Variants in PRELID2 observed in about 807,000 individuals in gnomAD.
PRELID2 encodes the protein PRELI domain-containing protein 2.
PRELID2 carries 25 observed loss-of-function variants against 28.4 expected under a neutral mutation model. The ratio of observed to expected loss-of-function variants is 0.88; its 90% CI spans 0.64 to 1.23. The LOEUF is 1.23. PRELID2 is among the 50% of genes most tolerant of loss of function. The pLI is 0.00. For missense variants in PRELID2, 201 were observed against 214.4 expected (o/e 0.94, Z 0.39); for synonymous variants, 76 against 71.6 (o/e 1.06, Z -0.31).
At chr5:145,600,379 C>G (rs1274170034) in intron 1 of PRELID2, among the ~76,000 whole-genome samples, 2 of 137,808 alleles carry the variant, frequency 1.5e-5, no homozygotes, top group Non-Finnish European at 3.0e-5. Flanking sequence ...GAGTGATGAA[C>G]AGTAAGTGCA....
chr5:145,388,898 A>G, the PRELID2 span, among the ~76,000 whole-genome samples: 1 of 152,086 alleles, frequency 6.6e-6, no homozygotes, highest in Non-Finnish European at 1.5e-5. Flanking sequence ...TCCTTTTAGG[A>G]CTTACTACCT....
At chr5:145,316,938 C>G in the PRELID2 span, among the ~76,000 whole-genome samples, 7 of 152,214 alleles carry the variant, frequency 4.6e-5, no homozygotes, top group Non-Finnish European at 8.8e-5. Flanking sequence ...CTTGCTCTCA[C>G]AAATCATCAC....
intron 5 of PRELID2, among the ~76,000 whole-genome samples, chr5:145,783,902 G>A (rs528488577): frequency 6.6e-5 from 10 of 152,262 alleles, no homozygotes; most frequent in South Asian, 4.1e-4. Context: ...GTGACTACCC[G>A]TGTATGTGTG....
At chr5:145,627,097 C>CAAAAAAAAAAAAAAAAAAAAA (rs745309247) in intron 1 of PRELID2, among the ~76,000 whole-genome samples, 1 of 41,826 alleles carries the variant, frequency 2.4e-5, no homozygotes, top group African/African-American at 7.4e-5. Flanking sequence ...AAGACTCTCC[C>CAAAAAAAAAAAAAAAAAAAAA]AAAAAAAAAA....
intron 1 of PRELID2, among the ~76,000 whole-genome samples, chr5:145,696,224 C>T (rs1317576265): frequency 7.1e-6 from 1 of 140,918 alleles, no homozygotes; most frequent in East Asian, 2.1e-4. Context: ...GTTTAGCAGC[C>T]ACTTCTGTGC....
chr5:145,500,505 C>T (rs965019573), intron 1 of PRELID2, among the ~76,000 whole-genome samples: 1 of 152,044 alleles, frequency 6.6e-6, no homozygotes, highest in African/African-American at 2.4e-5. Flanking sequence ...TGTCTCAGGC[C>T]TAGTCAACTT....
chr5:145,821,217 T>C (rs1372923983), intron 2 of PRELID2, among the ~76,000 whole-genome samples: 2 of 115,638 alleles, frequency 1.7e-5, no homozygotes, highest in Admixed American at 1.7e-4. Flanking sequence ...GTAAGTCCTC[T>C]TCTGTGTGTG....
At chr5:145,524,484 G>A (rs1752591281) in intron 1 of PRELID2, among the ~76,000 whole-genome samples, 1 of 152,200 alleles carries the variant, frequency 6.6e-6, no homozygotes, top group Admixed American at 6.5e-5. Context: ...CTCGAGATTT[G>A]AGAAACAGTA....
At chr5:145,624,058 G>A (rs1052136665) in intron 1 of PRELID2, among the ~76,000 whole-genome samples, 2 of 152,074 alleles carry the variant, frequency 1.3e-5, no homozygotes, top group African/African-American at 4.8e-5. Context: ...TCACGAATGT[G>A]CTTTACTTAT....
At chr5:145,725,232 C>T (rs1053515289) in intron 1 of PRELID2, among the ~76,000 whole-genome samples, 1 of 152,074 alleles carries the variant, frequency 6.6e-6, no homozygotes, top group Non-Finnish European at 1.5e-5. Context: ...AGTTATCAAA[C>T]ATAATAAGGT....
the PRELID2 span, among the ~76,000 whole-genome samples, chr5:145,233,391 C>T: frequency 1.3e-5 from 2 of 152,076 alleles, no homozygotes; most frequent in African/African-American, 4.8e-5. Flanking sequence ...ACATCCTATC[C>T]TGAGGTAGAA....
At chr5:145,291,371 TA>T in the PRELID2 span, among the ~76,000 whole-genome samples, 1 of 106,014 alleles carries the variant, frequency 9.4e-6, no homozygotes, top group African/African-American at 4.0e-5. Flanking sequence ...AGGAGAGGGG[TA>T]TTTGGATACA....
chr5:145,248,642 C>G, the PRELID2 span, among the ~76,000 whole-genome samples: 1 of 151,978 alleles, frequency 6.6e-6, no homozygotes, highest in Non-Finnish European at 1.5e-5. Flanking sequence ...AATAAAAATA[C>G]AAAAATTAGC....
chr5:145,453,773 G>A, the PRELID2 span, among the ~76,000 whole-genome samples: 2 of 152,076 alleles, frequency 1.3e-5, no homozygotes, highest in Non-Finnish European at 2.9e-5. Context: ...CTTCATCCAT[G>A]CCCCTGCAAA....
intron 1 of PRELID2, among the ~76,000 whole-genome samples, chr5:145,735,981 A>T (rs889769933): frequency 6.6e-6 from 1 of 152,144 alleles, no homozygotes; most frequent in Non-Finnish European, 1.5e-5. Flanking sequence ...TTTGTTTAAA[A>T]CCTTGCTGAT....
At chr5:145,588,473 GA>G (rs1344733618) in intron 1 of PRELID2, among the ~76,000 whole-genome samples, 23 of 152,180 alleles carry the variant, frequency 1.5e-4, no homozygotes, top group African/African-American at 5.5e-4. Flanking sequence ...ATGAATGAAT[GA>G]ATAGACCTGT....
chr5:145,286,183 C>T, the PRELID2 span, among the ~76,000 whole-genome samples: 1 of 152,238 alleles, frequency 6.6e-6, no homozygotes, highest in East Asian at 1.9e-4. Context: ...ATTATTAGCA[C>T]TGTCTTAAGG....
At chr5:145,377,269 C>T in the PRELID2 span, among the ~76,000 whole-genome samples, 186 of 152,242 alleles carry the variant, frequency 1.2e-3, no homozygotes, top group African/African-American at 4.3e-3. Context: ...GTTATGATTT[C>T]AGTTCTTTTG....
Position 145,525,344 on chromosome 5 carries a change from A to G in PRELID2, n.71-52029T>C, listed in dbSNP as rs557130838. On this transcript the variant is annotated intron_variant and non_coding_transcript_variant, in intron 1 of 2. Transcript: ENST00000510259. ...AAAGAAATCTCTAGGAGAATCTGAT[A>G]TATGTATACACACACACCCTTGTTC... is the stretch of plus-strand genomic sequence containing the variant. Among the ~76,000 whole-genome samples, 6 of 152,348 alleles carry G rather than the reference A, an allele frequency of 3.9e-5. No homozygotes were observed. The South Asian group carries it at 1.2e-3, about 32-fold the overall frequency.
Sources: allele counts gnomAD v4.1 joint callset (sites outside exome capture counted in the v4.1 genomes callset), GRCh38; gene constraint gnomAD v4.1.1; transcripts MANE v1.5; gene names NCBI Gene and HGNC (gene_info 2026-07-23, HGNC 2026-07-21).